The following CUX1 variants were observed in gnomAD, a reference collection of about 807,000 sequenced individuals.
CUX1 encodes protein CASP.
Under a neutral mutation model 158.8 loss-of-function variants are expected in CUX1, and 31 were observed. That is an observed-to-expected ratio of 0.20 (90% CI 0.15 to 0.26). The LOEUF (loss-of-function observed/expected upper bound fraction) is 0.26. Ranked by LOEUF, CUX1 falls within the 10% of genes least tolerant of loss-of-function variation. The pLI, the probability that CUX1 is intolerant of heterozygous loss-of-function variation, is 1.00. For missense variants in CUX1, 1,589 were observed against 2,014.6 expected (o/e 0.79, Z 4.04); for synonymous variants, 879 against 862.1 (o/e 1.02, Z -0.34).
chr7:101,868,466 G>A (rs960683327), intron 1 of CUX1, among the ~76,000 whole-genome samples: 1 of 152,136 alleles, frequency 6.6e-6, no homozygotes, highest in Non-Finnish European at 1.5e-5. Flanking sequence ...TTTTCCCCCA[G>A]GGACCTGGCA....
intron 20 of CUX1, among the ~76,000 whole-genome samples, chr7:102,209,180 T>C (rs1796270943): frequency 6.6e-6 from 1 of 152,236 alleles, no homozygotes; most frequent in Admixed American, 6.5e-5. Context: ...CCTGCCGGGC[T>C]CTGTTGCCTT....
intron 1 of CUX1, among the ~76,000 whole-genome samples, chr7:101,878,210 G>A (rs527273700): frequency 6.6e-6 from 1 of 152,336 alleles, no homozygotes; most frequent in African/African-American, 2.4e-5. Context: ...TTGCAGTAAG[G>A]AGTCAATGAA....
intron 1 of CUX1, among the ~76,000 whole-genome samples, chr7:101,880,718 T>G (rs1799622294): frequency 6.6e-6 from 1 of 151,982 alleles, no homozygotes; most frequent in African/African-American, 2.4e-5. Context: ...GCATCCTGGG[T>G]TTTTTGGTGT....
rs1801526166 is a variant in CUX1 at position 102,251,724 on chromosome 7, C to T, written c.*2682C>T. On this transcript the variant is annotated 3_prime_UTR_variant, in exon 24 of 24. Transcript: ENST00000292535. ...ACTGTGGTGTCCTCTCCACAAAACC[C>T]TCAAGGGACTTTTGTCATCATGTGT... 1 of 985,280 alleles carries T rather than the reference C, an allele frequency of 1.0e-6. No individual in the cohort carries two copies. The highest frequency in any genetic ancestry group is 1.1e-4 in the East Asian group (1 of 8,826). The allele number at this position is 985,280 out of a possible 1,614,324, so 61.0% of individuals were successfully genotyped here. A position where few individuals can be genotyped will look rare whatever the true frequency, so the allele number is the denominator to read the frequency against.
intron 23 of CUX1, among the ~76,000 whole-genome samples, chr7:102,244,525 A>C (rs1357660161): frequency 2.3e-5 from 1 of 43,120 alleles, no homozygotes; most frequent in Non-Finnish European, 7.4e-5. Flanking sequence ...TAGTGAGACC[A>C]CGTCTACAAA....
rs572585962 is a variant in CUX1, at chr7:102,205,178, G to A, written c.3130+8G>A. The A allele has an allele frequency of 3.5e-5, 56 of 1,602,756 alleles. No individual in the cohort carries two copies. The highest frequency in any genetic ancestry group is 1.0e-4 in the Admixed American group (6 of 60,002). ...AGGGCTGTGTGAGCTCAGGTAAGCAGCCAGTTTCTGTTGCTTTTGCATGAA... is the reference window on the plus strand; with the variant it reads ...AGGGCTGTGTGAGCTCAGGTAAGCAACCAGTTTCTGTTGCTTTTGCATGAA... On this transcript the variant is annotated splice_region_variant and intron_variant, in intron 20 of 23. Transcript: ENST00000292535.
chr7:102,190,678 G>A (rs1158270540), intron 12 of CUX1, among the ~76,000 whole-genome samples: 2 of 152,172 alleles, frequency 1.3e-5, no homozygotes, highest in Admixed American at 6.5e-5. Flanking sequence ...CAGGTCCCCC[G>A]TGCTTCTCGC....
intron 14 of CUX1, among the ~76,000 whole-genome samples, chr7:102,263,784 C>T (rs553547870): frequency 1.7e-4 from 26 of 151,882 alleles, no homozygotes; most frequent in Admixed American, 3.3e-4. Context: ...CCTCCACCTC[C>T]GGGGTTCAAG....
At chr7:101,849,071 G>A (rs1795996147) in intron 1 of CUX1, among the ~76,000 whole-genome samples, 1 of 152,104 alleles carries the variant, frequency 6.6e-6, no homozygotes, top group Non-Finnish European at 1.5e-5. Flanking sequence ...AGCAGGTTTG[G>A]CCAGTTATGT....
chr7:102,085,082 T>C (rs1213046374), intron 4 of CUX1, among the ~76,000 whole-genome samples: 1 of 152,118 alleles, frequency 6.6e-6, no homozygotes. Flanking sequence ...ATAAATGGTA[T>C]TGAATTTTCT....
At chr7:102,264,199 T>G (rs1790635931) in intron 14 of CUX1, among the ~76,000 whole-genome samples, 1 of 142,446 alleles carries the variant, frequency 7.0e-6, no homozygotes, top group African/African-American at 2.6e-5. Flanking sequence ...AGAGACGGGG[T>G]TTCACCGTCT....
At chr7:101,932,948 G>A (rs549530750) in intron 2 of CUX1, among the ~76,000 whole-genome samples, 13 of 152,212 alleles carry the variant, frequency 8.5e-5, no homozygotes, top group South Asian at 2.1e-4. Context: ...AAACCAGATC[G>A]TGAGACACGC....
intron 16 of CUX1, chr7:102,275,097 C>A: frequency 3.4e-6 from 2 of 592,578 alleles, no homozygotes; most frequent in Non-Finnish European, 5.9e-6. Flanking sequence ...CCTTCCCCGA[C>A]CTGCCCAGCA....
At chr7:101,963,402 G>A (rs931342604) in intron 2 of CUX1, among the ~76,000 whole-genome samples, 5 of 152,160 alleles carry the variant, frequency 3.3e-5, no homozygotes, top group Non-Finnish European at 2.9e-5. Flanking sequence ...TGAGGCAGGC[G>A]TGGCTCCCGT....
rs185406777 is a variant in CUX1 at position 102,276,895 on chromosome 7, T to C, written c.1564-1054T>C. Among the ~76,000 whole-genome samples the C allele has an allele frequency of 9.8e-5, 15 of 152,304 alleles. No individual in the cohort carries two copies. The East Asian group carries it at 2.7e-3, about 27-fold the overall frequency. ...AGGTAGTGGGGATGGTTGCATAACA[T>C]TGTGAATACAAATGACCGAACTGTA... On this transcript the variant is annotated intron_variant, in intron 17 of 22. Coordinates refer to the CUX1 transcript ENST00000292538.
intron 2 of CUX1, among the ~76,000 whole-genome samples, chr7:102,014,668 GT>G (rs1469246486): frequency 6.6e-6 from 1 of 152,086 alleles, no homozygotes; most frequent in Non-Finnish European, 1.5e-5. Flanking sequence ...GGGATAATCC[GT>G]TGGGAAGTCT....
chr7:102,165,744 T>A (rs918835820), intron 9 of CUX1, among the ~76,000 whole-genome samples: 5 of 152,104 alleles, frequency 3.3e-5, no homozygotes, highest in Admixed American at 3.3e-4. Flanking sequence ...CCCGTGGAAC[T>A]TCTTCTAGGA....
In CUX1 at chr7:102,092,702, G is replaced by C. The variant is rs1173615877; in HGVS notation, c.269-4662G>C. On this transcript the variant is annotated intron_variant, in intron 4 of 23. Transcript: ENST00000292535. Reference sequence around the variant, plus strand: ...CAAGGTGAGCAGATTGCTTGAGGCCGGGGGTTGAAGACCAGCCTGGGCAAT... The same window carrying C: ...CAAGGTGAGCAGATTGCTTGAGGCCCGGGGTTGAAGACCAGCCTGGGCAAT... 2.0e-5 allele frequency among the ~76,000 whole-genome samples: 3 copies of C among 151,996 alleles called. No individual in the cohort carries two copies. The South Asian group carries it at 6.2e-4, about 31-fold the overall frequency.
chr7:102,188,153 C>T (rs542255482), intron 11 of CUX1, among the ~76,000 whole-genome samples: 5 of 151,798 alleles, frequency 3.3e-5, no homozygotes, highest in South Asian at 2.1e-4. Flanking sequence ...GAGCTATGAT[C>T]GCACCACTGC....
Sources: gnomAD v4.1 joint callset for allele counts (sites outside exome capture counted in the v4.1 genomes callset) on GRCh38, gnomAD v4.1.1 for gene constraint, MANE v1.5 for transcripts, NCBI Gene and HGNC (gene_info 2026-07-23, HGNC 2026-07-21) for gene names.